LCLAT1: variants seen among roughly 807,000 people sequenced by gnomAD.
The protein encoded by LCLAT1 is 1-AGP acyltransferase 8.
Under a neutral mutation model 30.7 loss-of-function variants are expected in LCLAT1, and 11 were observed. The ratio of observed to expected loss-of-function variants is 0.36; its 90% CI spans 0.23 to 0.59. LCLAT1 has a LOEUF of 0.59. Ranked by LOEUF, LCLAT1 falls within the 20% of genes least tolerant of loss-of-function variation. LCLAT1 has a pLI of 0.77. For missense variants in LCLAT1, 402 were observed against 458.6 expected, an observed-to-expected ratio of 0.88 and a Z score of 1.13; for synonymous variants, 155 against 151.3, an observed-to-expected ratio of 1.02 and a Z score of -0.18.
intron 5 of LCLAT1, among the ~76,000 whole-genome samples, chr2:30,587,811 A>G (rs1045285376): frequency 3.3e-5 from 5 of 152,140 alleles, no homozygotes; most frequent in African/African-American, 9.6e-5. Context: ...GTTGAACTCT[A>G]TTGGAAGTAG....
In LCLAT1 at chr2:30,468,312, T is replaced by A. The variant is rs184249465; in HGVS notation, c.-5+20929T>A. Among the ~76,000 whole-genome samples, 55 of 152,330 alleles carry A rather than the reference T, an allele frequency of 3.6e-4. 1 individual carries two copies. In the East Asian group the frequency reaches 6.2e-3, roughly 17 times the overall value. On this transcript the variant is annotated intron_variant, in intron 1 of 5. Coordinates refer to ENST00000379509, the MANE Select transcript of LCLAT1 (RefSeq NM_001002257.3). Reference sequence around the variant, plus strand: ...TCTGTTCCATTGGTCTCTCTCTCTGTTTTGGTACCAGTACCATGCTGTTTT... The same window carrying A: ...TCTGTTCCATTGGTCTCTCTCTCTGATTTGGTACCAGTACCATGCTGTTTT...
intron 1 of LCLAT1, among the ~76,000 whole-genome samples, chr2:30,454,934 G>A (rs62139583): frequency 0.027 from 4,126 of 152,270 alleles, 82 homozygotes; most frequent in Non-Finnish European, 0.045. Context: ...TGGTAGTAAT[G>A]AAACCTATAT....
At chr2:30,633,316 C>G (rs1668855948) in intron 5 of LCLAT1, among the ~76,000 whole-genome samples, 1 of 152,168 alleles carries the variant, frequency 6.6e-6, no homozygotes, top group Non-Finnish European at 1.5e-5. Flanking sequence ...CAGTTAGATT[C>G]ATGAATTTAG....
chr2:30,488,714 C>T (rs1373141652), intron 1 of LCLAT1, among the ~76,000 whole-genome samples: 1 of 152,212 alleles, frequency 6.6e-6, no homozygotes, highest in Non-Finnish European at 1.5e-5. Flanking sequence ...TTTCCCTAGA[C>T]ACTGAGAATT....
intron 1 of LCLAT1, 170 bp downstream of exon 1, chr2:30,447,553 C>G (rs930695139): frequency 1.1e-4 from 16 of 152,358 alleles, no homozygotes; most frequent in African/African-American, 3.6e-4. Context: ...CATTTGGGGT[C>G]CCGGTGCAGG....
At chr2:30,478,133 A>G (rs949112144) in intron 1 of LCLAT1, among the ~76,000 whole-genome samples, 5 of 151,540 alleles carry the variant, frequency 3.3e-5, no homozygotes, top group African/African-American at 1.2e-4. Flanking sequence ...GGCCTCCCAC[A>G]GTTTATGAGT....
chr2:30,590,512 C>A (rs1228682844), intron 5 of LCLAT1, among the ~76,000 whole-genome samples: 3 of 143,792 alleles, frequency 2.1e-5, no homozygotes, highest in Non-Finnish European at 3.0e-5. Context: ...TGAAGGTGGA[C>A]ATATTTTATA....
rs970122620 is a variant in LCLAT1 at position 30,520,837 on chromosome 2, T to A, written c.-4-4750T>A. ...CTACAAACAGTAAAGTTCACTTTTT[T>A]AAAAAATATACTTTCTATGGATTTT... On this transcript the variant is annotated intron_variant, in intron 1 of 5. Transcript: ENST00000379509. Among the ~76,000 whole-genome samples the A allele has an allele frequency of 5.9e-5, 9 of 152,346 alleles. 1 individual carries two copies. Among genetic ancestry groups the A allele is most frequent in the Non-Finnish European group, 7.3e-5 (5 of 68,038 alleles).
chr2:30,554,036 AT>A (rs530882827), intron 3 of LCLAT1, among the ~76,000 whole-genome samples: 13 of 152,154 alleles, frequency 8.5e-5, no homozygotes, highest in African/African-American at 2.9e-4. Context: ...TATTCCTGTG[AT>A]TTTTTTATCG....
intron 1 of LCLAT1, among the ~76,000 whole-genome samples, chr2:30,498,300 A>C (rs1684213103): frequency 6.6e-6 from 1 of 152,200 alleles, no homozygotes; most frequent in Non-Finnish European, 1.5e-5. Context: ...AATTGGAGGC[A>C]GAGGTGGAGG....
At chr2:30,537,950 T>G (rs1252632) in intron 3 of LCLAT1, among the ~76,000 whole-genome samples, 14,545 of 151,918 alleles carry the variant, frequency 0.096, 737 homozygotes, top group East Asian at 0.13. Context: ...GTACCAATAC[T>G]TGGAAATTAA....
At chr2:30,512,120 A>G (rs980683677) in intron 1 of LCLAT1, among the ~76,000 whole-genome samples, 1 of 152,070 alleles carries the variant, frequency 6.6e-6, no homozygotes, top group African/African-American at 2.4e-5. Flanking sequence ...GTTTTTTGAG[A>G]GAGCACAATT....
At chr2:30,458,326 G>A (rs890694403) in intron 1 of LCLAT1, among the ~76,000 whole-genome samples, 4 of 152,228 alleles carry the variant, frequency 2.6e-5, no homozygotes, top group African/African-American at 9.6e-5. Flanking sequence ...AGGGCTGGAA[G>A]TGTGCTATGA....
intron 1 of LCLAT1, among the ~76,000 whole-genome samples, chr2:30,458,615 C>G (rs1185272228): frequency 6.6e-6 from 1 of 152,112 alleles, no homozygotes; most frequent in Admixed American, 6.5e-5. Context: ...TATTGTTTTA[C>G]TTAAGTGTTT....
intron 1 of LCLAT1, among the ~76,000 whole-genome samples, chr2:30,480,096 T>C (rs1268131758): frequency 6.6e-6 from 1 of 152,248 alleles, no homozygotes; most frequent in Admixed American, 6.5e-5. Flanking sequence ...AATGACATTA[T>C]TTTCCTGTTA....
chr2:30,551,785 A>G (rs1248607002), intron 3 of LCLAT1, among the ~76,000 whole-genome samples: 7 of 152,298 alleles, frequency 4.6e-5, no homozygotes, highest in Non-Finnish European at 8.8e-5. Flanking sequence ...TCCTTCTCAC[A>G]TCAGTACTAA....
intron 5 of LCLAT1, among the ~76,000 whole-genome samples, chr2:30,611,000 A>C (rs1474224793): frequency 6.9e-6 from 1 of 145,684 alleles, no homozygotes; most frequent in African/African-American, 2.6e-5. Context: ...TTTTTTTTTC[A>C]CTTCTTCCTT....
chr2:30,621,701 A>G (rs187953206), intron 5 of LCLAT1, among the ~76,000 whole-genome samples: 25 of 152,186 alleles, frequency 1.6e-4, no homozygotes, highest in Admixed American at 1.6e-3. Context: ...TGAATTTAAG[A>G]GAGCCAAGCA....
intron 1 of LCLAT1, among the ~76,000 whole-genome samples, chr2:30,450,436 G>A (rs1440176007): frequency 1.3e-5 from 2 of 152,016 alleles, no homozygotes; most frequent in African/African-American, 4.8e-5. Flanking sequence ...CCTGCGGGCA[G>A]TGGGAACTGT....
Sources: allele counts gnomAD v4.1 joint callset (sites outside exome capture counted in the v4.1 genomes callset), GRCh38; gene constraint gnomAD v4.1.1; transcripts MANE v1.5; gene names NCBI Gene and HGNC (gene_info 2026-07-23, HGNC 2026-07-21).